GOLM1: variants seen among roughly 807,000 people sequenced by gnomAD.
GOLM1 encodes epididymis luminal protein 46.
GOLM1 carries 31 observed loss-of-function variants against 50.5 expected under a neutral mutation model. That is an observed-to-expected ratio of 0.61 (90% CI 0.46 to 0.83). GOLM1 has a LOEUF of 0.83. Ranked by LOEUF, GOLM1 falls within the 40% of genes least tolerant of loss-of-function variation. The pLI, the probability that GOLM1 is intolerant of heterozygous loss-of-function variation, is 0.00. For missense variants in GOLM1, 491 were observed against 501.3 expected, an observed-to-expected ratio of 0.98 and a Z score of 0.20; for synonymous variants, 178 against 192.8, an observed-to-expected ratio of 0.92 and a Z score of 0.64.
intron 3 of GOLM1, among the ~76,000 whole-genome samples, chr9:86,075,632 C>A (rs1010571918): frequency 6.6e-6 from 1 of 152,174 alleles, no homozygotes; most frequent in Non-Finnish European, 1.5e-5. Context: ...ACCACCAAAC[C>A]ACAGCTAAAA....
At chr9:86,057,912 C>A (rs1834039620) in intron 3 of GOLM1, among the ~76,000 whole-genome samples, 1 of 152,186 alleles carries the variant, frequency 6.6e-6, no homozygotes, top group Non-Finnish European at 1.5e-5. Context: ...AAATAACCAA[C>A]CTGCTTTGAG....
intron 6 of GOLM1, among the ~76,000 whole-genome samples, chr9:86,039,695 T>C (rs1036920170): frequency 1.3e-5 from 2 of 152,042 alleles, no homozygotes; most frequent in South Asian, 2.1e-4. Context: ...AGTCCGGGCG[T>C]GGTGGCTCAC....
At chr9:86,071,617 G>A (rs1363085675) in intron 3 of GOLM1, among the ~76,000 whole-genome samples, 1 of 151,796 alleles carries the variant, frequency 6.6e-6, no homozygotes, top group African/African-American at 2.4e-5. Context: ...AGGTTGCAGT[G>A]AGCCGAGATC....
At chr9:86,062,401 GGGA>G (rs1756086512) in intron 3 of GOLM1, among the ~76,000 whole-genome samples, 1 of 151,972 alleles carries the variant, frequency 6.6e-6, no homozygotes, top group African/African-American at 2.4e-5. Context: ...AGAGAGGATG[GGGA>G]GGAGGGGAAG....
intron 4 of GOLM1, among the ~76,000 whole-genome samples, chr9:86,051,535 A>T (rs1355817607): frequency 2.0e-5 from 3 of 152,124 alleles, no homozygotes; most frequent in Non-Finnish European, 2.9e-5. Context: ...TTGCTTTATG[A>T]ATCTGGGGCA....
At position 86,083,197 on chromosome 9, in the gene GOLM1, A is replaced by T. The variant is rs116478326; in HGVS notation, c.-21-3856T>A. On this transcript the variant is annotated intron_variant, in intron 1 of 9. Coordinates refer to ENST00000388712, the MANE Select transcript of GOLM1 (RefSeq NM_016548.4). ...AAGGATGTTCAAGTCTCTTATATAAAATGGCATACTATGTGAATCCAACCC... is the reference window on the plus strand; with the variant it reads ...AAGGATGTTCAAGTCTCTTATATAATATGGCATACTATGTGAATCCAACCC... 2.2e-3 allele frequency among the ~76,000 whole-genome samples: 335 copies of T among 152,324 alleles called. 1 individual carries two copies. Among genetic ancestry groups the T allele is most frequent in the African/African-American group, 7.8e-3 (324 of 41,578 alleles).
intron 3 of GOLM1, 66 bp downstream of exon 3, chr9:86,077,346 G>T: frequency 7.6e-7 from 1 of 1,314,088 alleles, no homozygotes; most frequent in Non-Finnish European, 1.1e-6. Flanking sequence ...CTCCCGCCAA[G>T]AAGAAACAGA....
chr9:86,079,771 A>G (rs1342235598), intron 1 of GOLM1: 1 of 154,534 alleles, frequency 6.5e-6, no homozygotes, highest in Non-Finnish European at 1.4e-5. Context: ...ACAAATATTA[A>G]GTGCTTCCGC....
At chr9:86,057,691 C>CGG (rs1554672610) in intron 3 of GOLM1, among the ~76,000 whole-genome samples, 1 of 152,200 alleles carries the variant, frequency 6.6e-6, no homozygotes, top group Non-Finnish European at 1.5e-5. Flanking sequence ...AGGCATGCTG[C>CGG]GGCCCTGGGT....
rs1401898385 is a variant in GOLM1, at chr9:86,090,714, C to A, written c.-22+8697G>T. On this transcript the variant is annotated intron_variant, in intron 1 of 9. Transcript: ENST00000388712. ...TCCAATGAGTTAGACCACTTGGCTC[C>A]CTGGCTTCAGCCTCCTTTCCAGGGG... is the stretch of plus-strand genomic sequence containing the variant. Among the ~76,000 whole-genome samples, 9 of 150,298 alleles carry A rather than the reference C, an allele frequency of 6.0e-5. No individual in the cohort carries two copies. In the Admixed American group the frequency reaches 6.0e-4, roughly 10 times the overall value.
chr9:86,035,529 A>C lies in GOLM1; in HGVS notation c.854T>G (p.Val285Gly). The C allele has an allele frequency of 6.2e-7, 1 of 1,612,126 alleles. No homozygotes were observed. Among genetic ancestry groups the C allele is most frequent in the Non-Finnish European group, 8.5e-7 (1 of 1,179,924 alleles). The change falls in exon 8 of 10, where the codon GTA (valine) becomes GGA (glycine). Residue 285 changes from valine to glycine, a missense_variant. By Grantham distance (109) the Val-to-Gly change is moderately radical. Coordinates refer to ENST00000388712, the MANE Select transcript of GOLM1 (RefSeq NM_016548.4). Reference protein sequence around the residue: ...GREQVVEDRPVGGRGFGGAGE... With the variant: ...GREQVVEDRPGGGRGFGGAGE... ...GGCTCCCCCGAAGCCTCTTCCACCTACAGGTCTGTCTTCCACCACCTGCTC... is the reference window on the plus strand; with the variant it reads ...GGCTCCCCCGAAGCCTCTTCCACCTCCAGGTCTGTCTTCCACCACCTGCTC...
At chr9:86,057,699 G>A (rs1414660601) in intron 3 of GOLM1, among the ~76,000 whole-genome samples, 1 of 152,220 alleles carries the variant, frequency 6.6e-6, no homozygotes, top group East Asian at 1.9e-4. Context: ...TGCGGCCCTG[G>A]GTGAGCGTGG....
At chr9:86,053,621 AAAC>A (rs1350594762) in intron 3 of GOLM1, among the ~76,000 whole-genome samples, 1 of 2,608 alleles carries the variant, frequency 3.8e-4, no homozygotes, top group Non-Finnish European at 7.8e-4. Context: ...ACACCACACC[AAAC>A]ATCACTACAA....
chr9:86,036,522 C>A lies in GOLM1; in HGVS notation c.598-15G>T, dbSNP rs1356284128. 6.2e-7 allele frequency: 1 copy of A among 1,612,678 alleles called. No individual in the cohort carries two copies. Among genetic ancestry groups the A allele is most frequent in the East Asian group, 2.2e-5 (1 of 44,782 alleles). ...AGGGCTTGGAGCTGAAACAGAAGCA[C>A]AGGACAGCCAGCCAGGGCAGGGCTC... is the stretch of plus-strand genomic sequence containing the variant. On this transcript the variant is annotated splice_polypyrimidine_tract_variant and intron_variant, in intron 6 of 9. Coordinates refer to ENST00000388712, the MANE Select transcript of GOLM1 (RefSeq NM_016548.4).
In GOLM1 at chr9:86,087,444, C is replaced by T. The variant is rs558724834; in HGVS notation, c.-21-8103G>A. 8.5e-5 allele frequency among the ~76,000 whole-genome samples: 13 copies of T among 152,236 alleles called. No homozygotes were observed. The Middle Eastern group carries it at 0.014, about 159-fold the overall frequency. ...TATTTGAATACATTTCTTTCTCTTG[C>T]TTGATTGCCCTGGCCAGAACTTCAA... On this transcript the variant is annotated intron_variant, in intron 1 of 9. Transcript: ENST00000388712.
In GOLM1 at chr9:86,027,227, G is replaced by A; in HGVS notation, c.*590C>T. ...TAGCCTTTTAAAAAATTCTCACACA[G>A]AACAGCTTTGTATTTAGACTTAAAG... On this transcript the variant is annotated 3_prime_UTR_variant, in exon 10 of 10. Coordinates refer to ENST00000388712, the MANE Select transcript of GOLM1 (RefSeq NM_016548.4). 6.1e-6 allele frequency: 6 copies of A among 985,400 alleles called. No homozygotes were observed. The highest frequency in any genetic ancestry group is 7.2e-6 in the Non-Finnish European group (6 of 829,902). 61.0% of individuals were successfully genotyped at this position (985,400 alleles called of 1,614,324 possible).
At chr9:86,035,884 A>AAAAAAAAAAAAC (rs1833122261) in intron 7 of GOLM1, among the ~76,000 whole-genome samples, 2 of 121,790 alleles carry the variant, frequency 1.6e-5, no homozygotes, top group African/African-American at 6.3e-5. Context: ...AAAACAAAAC[A>AAAAAAAAAAAAC]AAAAAAAAAA....
chr9:86,055,726 A>C (rs1833965246), intron 3 of GOLM1, among the ~76,000 whole-genome samples: 1 of 152,234 alleles, frequency 6.6e-6, no homozygotes, highest in South Asian at 2.1e-4. Context: ...CATTCATATG[A>C]AGTACCTAAA....
intron 1 of GOLM1, among the ~76,000 whole-genome samples, chr9:86,080,566 T>C (rs1022284075): frequency 4.6e-5 from 7 of 152,148 alleles, no homozygotes; most frequent in Non-Finnish European, 1.0e-4. Context: ...AGTGAGAACA[T>C]GGGAGAACTG....
Sources: allele counts gnomAD v4.1 joint callset (sites outside exome capture counted in the v4.1 genomes callset), GRCh38; gene constraint gnomAD v4.1.1; transcripts MANE v1.5; gene names NCBI Gene and HGNC (gene_info 2026-07-23, HGNC 2026-07-21).